The following CAMK4 variants were observed in gnomAD, a reference collection of about 807,000 sequenced individuals.
CAMK4 encodes calcium/calmodulin-dependent protein kinase type IV.
Under a neutral mutation model 44.9 loss-of-function variants are expected in CAMK4, and 22 were observed. That is an observed-to-expected ratio of 0.49 (90% CI 0.35 to 0.70). The LOEUF (loss-of-function observed/expected upper bound fraction) is 0.70, where lower values mean the gene tolerates loss of function less well. Ranked by LOEUF, CAMK4 falls within the 30% of genes least tolerant of loss-of-function variation. CAMK4 has a pLI of 0.01. For missense variants in CAMK4, 498 were observed against 586.8 expected, an observed-to-expected ratio of 0.85 and a Z score of 1.56; for synonymous variants, 218 against 215.4, an observed-to-expected ratio of 1.01 and a Z score of -0.11.
chr5:111,486,500 A>AAAAC lies in CAMK4; in HGVS notation c.*2035_*2036insAACA, dbSNP rs1215025263. 3.9e-5 allele frequency: 4 copies of AAAAC among 103,578 alleles called. No individual in the cohort carries two copies. The highest frequency in any genetic ancestry group is 1.4e-4 in the African/African-American group (4 of 29,420). 6.4% of individuals were successfully genotyped at this position (103,578 alleles called of 1,614,324 possible). Reference sequence around the variant, plus strand: ...GTTGTACTTTTTACCATGAGACTGAAACACACACACACACACACACACACA... The same window carrying AAAAC: ...GTTGTACTTTTTACCATGAGACTGAAAAACACACACACACACACACACACACACA... On this transcript the variant is annotated 3_prime_UTR_variant, in exon 11 of 11. Coordinates refer to ENST00000282356, the MANE Select transcript of CAMK4 (RefSeq NM_001744.6).
chr5:111,275,613 T>C (rs1411564191), intron 1 of CAMK4, among the ~76,000 whole-genome samples: 1 of 152,130 alleles, frequency 6.6e-6, no homozygotes, highest in African/African-American at 2.4e-5. Flanking sequence ...ATATGAATTA[T>C]AGCTTGGGAG....
At chr5:111,341,022 T>A in intron 1 of CAMK4, among the ~76,000 whole-genome samples, 1 of 151,084 alleles carries the variant, frequency 6.6e-6, no homozygotes, top group Non-Finnish European at 1.5e-5. Context: ...ACTAGTCTCT[T>A]AAGACCCTTT....
At chr5:111,456,400 A>C (rs1259726426) in intron 7 of CAMK4, among the ~76,000 whole-genome samples, 4 of 152,058 alleles carry the variant, frequency 2.6e-5, no homozygotes, top group Non-Finnish European at 5.9e-5. Flanking sequence ...CTGAGGCAGG[A>C]GAATGGCGTG....
chr5:111,451,155 C>G (rs1754218060), intron 7 of CAMK4, among the ~76,000 whole-genome samples: 1 of 151,928 alleles, frequency 6.6e-6, no homozygotes, highest in Admixed American at 6.6e-5. Context: ...TTGACTTCAC[C>G]AAGATTCCAC....
At chr5:111,262,134 G>T (rs1438556643) in intron 1 of CAMK4, among the ~76,000 whole-genome samples, 1 of 150,110 alleles carries the variant, frequency 6.7e-6, no homozygotes, top group Admixed American at 6.7e-5. Flanking sequence ...CCTCATTCTG[G>T]CACTTGATGT....
In CAMK4 at chr5:111,484,809, A is replaced by G. The variant is rs1755558108; in HGVS notation, c.*343A>G. On this transcript the variant is annotated 3_prime_UTR_variant, in exon 11 of 11. Transcript: ENST00000282356. The surrounding 1 kb of genome is among the most constrained non-coding windows in gnomAD (Gnocchi z 5.3). ...TGCTTTGAAAATCTAGCCATCCTAC[A>G]TCCTTTGGATTTCTTCACAAGGCAG... The G allele has an allele frequency of 1.1e-5, 2 of 175,042 alleles. No individual in the cohort carries two copies. Among genetic ancestry groups the G allele is most frequent in the Admixed American group, 6.3e-5 (1 of 15,884 alleles). 10.8% of individuals were successfully genotyped at this position (175,042 alleles called of 1,614,324 possible).
intron 1 of CAMK4, among the ~76,000 whole-genome samples, chr5:111,310,893 T>G (rs1197302955): frequency 6.6e-6 from 1 of 152,174 alleles, no homozygotes; most frequent in Non-Finnish European, 1.5e-5. Flanking sequence ...GATGAGTCGC[T>G]TTAGCTGTGT....
chr5:111,401,076 G>C (rs771745806), intron 5 of CAMK4, among the ~76,000 whole-genome samples: 10 of 152,098 alleles, frequency 6.6e-5, no homozygotes, highest in Non-Finnish European at 1.5e-4. Context: ...TTCAAAGTGT[G>C]ACTTTGGAGC....
intron 5 of CAMK4, among the ~76,000 whole-genome samples, chr5:111,400,154 C>A (rs536080377): frequency 3.3e-5 from 5 of 151,424 alleles, no homozygotes; most frequent in Non-Finnish European, 7.4e-5. Flanking sequence ...TCACTAAGTT[C>A]CAGTTTAGGA....
At chr5:111,440,521 G>A (rs1383974393) in intron 5 of CAMK4, among the ~76,000 whole-genome samples, 1 of 151,540 alleles carries the variant, frequency 6.6e-6, no homozygotes, top group African/African-American at 2.4e-5. Context: ...ACATTTCACT[G>A]AGACCTTTTT....
intron 1 of CAMK4, among the ~76,000 whole-genome samples, chr5:111,337,984 G>A (rs932089397): frequency 6.6e-6 from 1 of 151,208 alleles, no homozygotes. Context: ...TTCACAATGT[G>A]TAGTTGCATC....
At chr5:111,277,876 T>C (rs1160689038) in intron 1 of CAMK4, among the ~76,000 whole-genome samples, 1 of 152,176 alleles carries the variant, frequency 6.6e-6, no homozygotes, top group Non-Finnish European at 1.5e-5. Flanking sequence ...TATATAAATA[T>C]AAAAACTGTG....
chr5:111,294,561 T>C (rs1471784212), intron 1 of CAMK4, among the ~76,000 whole-genome samples: 1 of 152,208 alleles, frequency 6.6e-6, no homozygotes, highest in African/African-American at 2.4e-5. Context: ...AGATATATAT[T>C]ATTCAGTTCA....
intron 1 of CAMK4, among the ~76,000 whole-genome samples, chr5:111,237,164 G>GTAA (rs1248833171): frequency 2.6e-5 from 4 of 152,154 alleles, no homozygotes; most frequent in African/African-American, 9.7e-5. Context: ...TATTTGCTGA[G>GTAA]TAATATATCA....
intron 2 of CAMK4, among the ~76,000 whole-genome samples, chr5:111,358,284 T>C (rs952410865): frequency 3.2e-4 from 48 of 152,226 alleles, no homozygotes; most frequent in African/African-American, 1.1e-3. Flanking sequence ...AACTGTGAGA[T>C]ATACAGACTA....
At chr5:111,357,223 A>G (rs1225817345) in intron 2 of CAMK4, among the ~76,000 whole-genome samples, 5 of 152,126 alleles carry the variant, frequency 3.3e-5, no homozygotes, top group Non-Finnish European at 7.4e-5. Flanking sequence ...TGGTAGAAGC[A>G]GGAGTTTAAG....
chr5:111,374,797 T>A, intron 2 of CAMK4, 53 bp from the exon 3 acceptor site: 1 of 1,114,878 alleles, frequency 9.0e-7, no homozygotes, highest in South Asian at 1.2e-5. Flanking sequence ...ATTTCTCTGC[T>A]ACAATGAAGG....
upstream of CAMK4, chr5:111,224,281 C>G (rs1234663326): frequency 1.6e-6 from 1 of 617,228 alleles, no homozygotes; most frequent in African/African-American, 2.0e-5. The surrounding 1 kb of genome is among the most constrained non-coding windows in gnomAD (Gnocchi z 5.7). Context: ...ACTCCGGGTT[C>G]CCCCTCGCGC....
chr5:111,389,101 GTCCAAGA>G (rs1178625249), intron 4 of CAMK4, among the ~76,000 whole-genome samples: 2 of 152,202 alleles, frequency 1.3e-5, no homozygotes, highest in Non-Finnish European at 2.9e-5. Context: ...AGGCTGGAAA[GTCCAAGA>G]TAAATGTGTC....
Sources: gnomAD v4.1 joint callset for allele counts (sites outside exome capture counted in the v4.1 genomes callset) on GRCh38, gnomAD v4.1.1 for gene constraint, Gnocchi (gnomAD v3.1) non-coding constraint, MANE v1.5 for transcripts, NCBI Gene and HGNC (gene_info 2026-07-23, HGNC 2026-07-21) for gene names.